TTC23: variants seen among roughly 807,000 people sequenced by gnomAD.
TTC23 encodes the protein tetratricopeptide repeat domain 23.
In TTC23, 58 loss-of-function variants were observed where a neutral mutation model predicts 55.1. That is an observed-to-expected ratio of 1.05 (90% CI 0.85 to 1.31). The LOEUF (loss-of-function observed/expected upper bound fraction) is 1.31. Among genes scored for constraint, TTC23 ranks in the 50% most tolerant of loss-of-function variants. The pLI is 0.00. For synonymous variants in TTC23, 203 were observed against 199.9 expected (o/e 1.02, Z -0.13); for missense variants, 516 against 534.4 (o/e 0.97, Z 0.34).
At chr15:99,179,608 T>C (rs1567408682) in intron 9 of TTC23, among the ~76,000 whole-genome samples, 1 of 149,416 alleles carries the variant, frequency 6.7e-6, no homozygotes, top group Non-Finnish European at 1.5e-5. Context: ...AAGCAACTTG[T>C]AAAAGGATGC....
At chr15:99,222,651 C>T (rs1215833939) in intron 5 of TTC23, among the ~76,000 whole-genome samples, 1 of 152,224 alleles carries the variant, frequency 6.6e-6, no homozygotes, top group South Asian at 2.1e-4. Flanking sequence ...GGATTCCCAG[C>T]TCCAGGTGAT....
At chr15:99,232,733 T>C (rs2079029575) in intron 4 of TTC23, among the ~76,000 whole-genome samples, 1 of 152,000 alleles carries the variant, frequency 6.6e-6, no homozygotes, top group Non-Finnish European at 1.5e-5. Context: ...AGTAAGGAAG[T>C]TTCTCAAAAA....
At chr15:99,156,427 C>T (rs974486594) in intron 11 of TTC23, 130 bp from the exon 12 acceptor site, 3 of 1,068,800 alleles carry the variant, frequency 2.8e-6, no homozygotes, top group Non-Finnish European at 4.0e-6. Flanking sequence ...TTGTATTAGT[C>T]CATTCTCATG....
intron 9 of TTC23, among the ~76,000 whole-genome samples, chr15:99,179,322 T>C (rs2073900402): frequency 6.6e-6 from 1 of 152,172 alleles, no homozygotes; most frequent in East Asian, 1.9e-4. Context: ...ATTGCCTCCA[T>C]GCACATCTAC....
intron 10 of TTC23, among the ~76,000 whole-genome samples, chr15:99,165,553 T>C (rs756669917): frequency 6.6e-6 from 1 of 152,252 alleles, no homozygotes; most frequent in Non-Finnish European, 1.5e-5. Context: ...CAGTGCCAGC[T>C]GGCCCTGGGG....
chr15:99,236,642 C>T (rs2079341757), intron 3 of TTC23, among the ~76,000 whole-genome samples: 1 of 152,140 alleles, frequency 6.6e-6, no homozygotes, highest in Admixed American at 6.6e-5. Flanking sequence ...CCTGCCTTGG[C>T]TTCCCAAAGT....
At chr15:99,250,497 A>G (rs2080638053), upstream of TTC23, among the ~76,000 whole-genome samples, 1 of 152,220 alleles carries the variant, frequency 6.6e-6, no homozygotes, top group African/African-American at 2.4e-5. Context: ...AGAACAAAAA[A>G]TATCAGCGGT....
chr15:99,192,697 GCCA>G (rs781208477), intron 9 of TTC23, among the ~76,000 whole-genome samples: 3 of 152,220 alleles, frequency 2.0e-5, no homozygotes, highest in South Asian at 2.1e-4. Flanking sequence ...TGGGGTGGGA[GCCA>G]CCACACAGGG....
chr15:99,172,362 T>C (rs976118150), intron 10 of TTC23, among the ~76,000 whole-genome samples: 3 of 152,166 alleles, frequency 2.0e-5, no homozygotes, highest in Admixed American at 6.5e-5. Context: ...CTGCTGCAGG[T>C]TGGAGCTGAG....
intron 9 of TTC23, among the ~76,000 whole-genome samples, chr15:99,198,275 C>A (rs576021232): frequency 6.6e-6 from 1 of 152,350 alleles, no homozygotes; most frequent in South Asian, 2.1e-4. Context: ...CACCCAGTCA[C>A]ACACCAGTTC....
At chr15:99,195,483 G>A (rs942565129) in intron 9 of TTC23, among the ~76,000 whole-genome samples, 2 of 152,184 alleles carry the variant, frequency 1.3e-5, no homozygotes, top group Non-Finnish European at 2.9e-5. Flanking sequence ...AGAAACTCTC[G>A]TTCATTGCTG....
At chr15:99,221,337 T>C (rs1428372131) in intron 6 of TTC23, among the ~76,000 whole-genome samples, 1 of 152,178 alleles carries the variant, frequency 6.6e-6, no homozygotes, top group African/African-American at 2.4e-5. Flanking sequence ...TTATGCCAAT[T>C]TGGGTTAGTC....
chr15:99,225,264 A>G (rs1328366290), intron 5 of TTC23, among the ~76,000 whole-genome samples: 1 of 152,126 alleles, frequency 6.6e-6, no homozygotes, highest in African/African-American at 2.4e-5. Flanking sequence ...TGGTTTTCCA[A>G]CCTTTATTCT....
At chr15:99,213,298 G>A (rs1483685859) in intron 8 of TTC23, among the ~76,000 whole-genome samples, 12 of 152,188 alleles carry the variant, frequency 7.9e-5, no homozygotes, top group Admixed American at 7.9e-4. Context: ...AAACAACTTG[G>A]CTAAACACAA....
chr15:99,175,426 G>A (rs1158466742), intron 9 of TTC23, among the ~76,000 whole-genome samples: 5 of 152,244 alleles, frequency 3.3e-5, no homozygotes, highest in Admixed American at 3.3e-4. Context: ...GATCCTTTGA[G>A]TCCAGTGTCA....
At chr15:99,234,836 AT>A (rs1270553331) in intron 4 of TTC23, among the ~76,000 whole-genome samples, 151 bp downstream of exon 4, 1 of 152,144 alleles carries the variant, frequency 6.6e-6, no homozygotes. Flanking sequence ...AAAAAGACTT[AT>A]TGTAGTAAGT....
intron 12 of TTC23, chr15:99,139,625 A>G (rs260118): frequency 0.24 from 361,814 of 1,513,326 alleles, 46,802 homozygotes; most frequent in African/African-American, 0.51. Context: ...ACTCTCTGTG[A>G]CTATCTGTAT....
rs1567300573 is a variant in TTC23 at position 99,139,245 on chromosome 15, G to C, written c.1226+72C>G. On this transcript the variant is annotated intron_variant, in intron 13 of 13. Transcript: ENST00000394132. The stretch of plus-strand genomic sequence containing the variant: ...AGAGAAGGTTACACAGAACCTTCTA[G>C]AACCAGCTTTCTCTTGAGATTCTGA... The C allele has an allele frequency of 1.9e-6, 3 of 1,568,424 alleles. No individual in the cohort carries two copies. In the African/African-American group the frequency reaches 4.0e-5, roughly 21 times the overall value.
chr15:99,149,316 C>A (rs1388426280), intron 12 of TTC23, among the ~76,000 whole-genome samples: 10 of 152,244 alleles, frequency 6.6e-5, no homozygotes, highest in Admixed American at 1.3e-4. Flanking sequence ...CCCATCATTT[C>A]TCTTGGAGCC....
Sources: gnomAD v4.1 joint callset for allele counts (sites outside exome capture counted in the v4.1 genomes callset) on GRCh38, gnomAD v4.1.1 for gene constraint, MANE v1.5 for transcripts, NCBI Gene and HGNC (gene_info 2026-07-23, HGNC 2026-07-21) for gene names.